The following DSG4 variants were observed in gnomAD, a reference collection of about 807,000 sequenced individuals.
DSG4 encodes the protein desmoglein 4.
In DSG4, 87 loss-of-function variants were observed where a neutral mutation model predicts 93.1. The ratio of observed to expected loss-of-function variants is 0.93; its 90% CI spans 0.79 to 1.12. DSG4 has a LOEUF of 1.12. DSG4 is among the 50% of genes most tolerant of loss of function. The pLI is 0.00. For synonymous variants in DSG4, 432 were observed against 452.9 expected (o/e 0.95, Z 0.59); for missense variants, 1,373 against 1,285.7 (o/e 1.07, Z -1.04).
intron 14 of DSG4, 47 bp from the exon 15 acceptor site, chr18:31,411,184 G>A (rs1412191171): frequency 4.3e-6 from 7 of 1,614,114 alleles, no homozygotes; most frequent in Non-Finnish European, 5.9e-6. Context: ...GCAGATGCGC[G>A]CTGCAGGCAA....
Position 31,388,913 on chromosome 18 carries a change from G to T in DSG4, c.412G>T (p.Glu138Ter). 6.2e-7 allele frequency: 1 copy of T among 1,613,618 alleles called. No individual in the cohort carries two copies. Among genetic ancestry groups the T allele is most frequent in the South Asian group, 1.1e-5 (1 of 91,058 alleles). The change falls in exon 5 of 16, where the codon GAA becomes TAA. Residue 138 changes from glutamate to a stop codon, truncating the protein, a stop_gained. Coordinates refer to ENST00000308128, the MANE Select transcript of DSG4 (RefSeq NM_177986.5). LOFTEE classifies it high-confidence loss of function. ...TCTGAATTCACGGGGTGAAGATTTAGAAAGGCCTCTTGAGCTTAGAGTCAA... is the reference window on the plus strand; with the variant it reads ...TCTGAATTCACGGGGTGAAGATTTATAAAGGCCTCTTGAGCTTAGAGTCAA... ...RALNSRGEDL[E>*]RPLELRVKVM...
intron 11 of DSG4, among the ~76,000 whole-genome samples, chr18:31,405,314 A>G (rs2072412439): frequency 6.6e-6 from 1 of 152,326 alleles, no homozygotes; most frequent in Non-Finnish European, 1.5e-5. Context: ...ATTTTAAATG[A>G]AAGGGCAACA....
At chr18:31,396,131 A>G (rs746353217) in intron 8 of DSG4, among the ~76,000 whole-genome samples, 6 of 151,904 alleles carry the variant, frequency 3.9e-5, no homozygotes, top group Non-Finnish European at 7.4e-5. Context: ...GTGTGTGTGT[A>G]TATATATATA....
chr18:31,404,435 A>G (rs892204593), intron 11 of DSG4, among the ~76,000 whole-genome samples: 1 of 152,222 alleles, frequency 6.6e-6, no homozygotes, highest in Non-Finnish European at 1.5e-5. Flanking sequence ...AGTGCATAAT[A>G]AAAAAGAAAA....
intron 13 of DSG4, 28 bp downstream of exon 13, chr18:31,409,619 G>C: frequency 6.2e-7 from 1 of 1,614,242 alleles, no homozygotes; most frequent in African/African-American, 1.3e-5. Flanking sequence ...CTCCAGAGAA[G>C]TGTGGAGTTT....
In DSG4 at chr18:31,414,582, T is replaced by C. The variant is rs1222964596; in HGVS notation, c.*987T>C. 1 of 152,244 alleles carries C rather than the reference T, an allele frequency of 6.6e-6. No individual in the cohort carries two copies. Among genetic ancestry groups the C allele is most frequent in the African/African-American group, 2.4e-5 (1 of 41,474 alleles). 9.4% of individuals were successfully genotyped at this position (152,244 alleles called of 1,614,324 possible). On this transcript the variant is annotated 3_prime_UTR_variant, in exon 16 of 16. Coordinates refer to ENST00000308128, the MANE Select transcript of DSG4 (RefSeq NM_177986.5). ...AGGTAAAGAAGACAGACATGGTTTC[T>C]GCCTTCATAGAGCTTCTATTCATTT...
chr18:31,406,801 G>T (rs769680525), intron 12 of DSG4, among the ~76,000 whole-genome samples: 1 of 150,804 alleles, frequency 6.6e-6, no homozygotes, highest in Admixed American at 6.6e-5. Flanking sequence ...TTTTTGAGAT[G>T]GAATCTTGCT....
intron 15 of DSG4, among the ~76,000 whole-genome samples, chr18:31,411,785 G>GA (rs138751152): frequency 0.025 from 3,817 of 152,040 alleles, 155 homozygotes; most frequent in African/African-American, 0.087. Flanking sequence ...TCATCAAGGG[G>GA]AAAAAAGGTG....
At chr18:31,405,510 A>C (rs2144207690) in intron 11 of DSG4, among the ~76,000 whole-genome samples, 1 of 152,274 alleles carries the variant, frequency 6.6e-6, no homozygotes, top group South Asian at 2.1e-4. Flanking sequence ...CCTTGCCTGC[A>C]TTATAGAAGT....
intron 6 of DSG4, 84 bp from the exon 7 acceptor site, chr18:31,390,992 AAG>A (rs2144178607): frequency 6.4e-7 from 1 of 1,563,924 alleles, no homozygotes. Flanking sequence ...ATGTAAATAA[AAG>A]AGTAGAGAAA....
intron 11 of DSG4, among the ~76,000 whole-genome samples, chr18:31,405,303 A>T (rs375980520): frequency 6.6e-6 from 1 of 152,304 alleles, no homozygotes; most frequent in African/African-American, 2.4e-5. Context: ...GAATGTGAAC[A>T]ATTTTAAATG....
chr18:31,394,118 T>C (rs2072278569), intron 8 of DSG4, among the ~76,000 whole-genome samples: 1 of 152,166 alleles, frequency 6.6e-6, no homozygotes. Context: ...ATTTACGTAT[T>C]TTCTGTGGCT....
chr18:31,402,426 G>A (rs948702208), intron 10 of DSG4, among the ~76,000 whole-genome samples: 1 of 152,250 alleles, frequency 6.6e-6, no homozygotes, highest in Non-Finnish European at 1.5e-5. Flanking sequence ...GATGCCTCTC[G>A]AATGAGAAGC....
Position 31,389,024 on chromosome 18 carries a change from T to C in DSG4, c.517+6T>C, listed in dbSNP as rs2072221073. ...TGAAGAAAATAGTGATGCCAGTAAG[T>C]AGAATGACATTCCTTCTCTACGTCA... On this transcript the variant is annotated splice_donor_region_variant and intron_variant, in intron 5 of 15. Transcript: ENST00000308128. The C allele has an allele frequency of 1.2e-6, 2 of 1,612,796 alleles. No individual in the cohort carries two copies. Among genetic ancestry groups the C allele is most frequent in the Non-Finnish European group, 1.7e-6 (2 of 1,179,024 alleles).
In DSG4 at chr18:31,403,635, G is replaced by T. The variant is rs1322119590; in HGVS notation, c.1636+1G>T. The T allele has an allele frequency of 6.2e-7, 1 of 1,613,880 alleles. No homozygotes were observed. The highest frequency in any genetic ancestry group is 2.2e-5 in the East Asian group (1 of 44,866). ...ATGTGGGATGTCAGATCAACAAATG[G>T]TAAGTGAAACGTAAGCTTGTTTTTT... is the stretch of plus-strand genomic sequence containing the variant. On this transcript the variant is annotated splice_donor_variant, in intron 11 of 15. Coordinates refer to ENST00000308128, the MANE Select transcript of DSG4 (RefSeq NM_177986.5). LOFTEE classifies it high-confidence loss of function.
intron 2 of DSG4, among the ~76,000 whole-genome samples, chr18:31,386,421 A>G (rs1317762139): frequency 3.3e-5 from 5 of 152,166 alleles, no homozygotes; most frequent in African/African-American, 1.2e-4. Flanking sequence ...CTTATACAGT[A>G]TGGCACATCA....
chr18:31,378,908 C>A (rs1022579638), intron 1 of DSG4, among the ~76,000 whole-genome samples: 5 of 152,164 alleles, frequency 3.3e-5, no homozygotes, highest in Admixed American at 6.5e-5. Flanking sequence ...TCTTCATTAA[C>A]TAAATCAAAG....
In DSG4 at chr18:31,403,602, T is replaced by G. The variant is rs7229252; in HGVS notation, c.1604T>G (p.Ile535Arg). The G allele has an allele frequency of 1.2e-6, 2 of 1,614,038 alleles. No homozygotes were observed. Among genetic ancestry groups the G allele is most frequent in the African/African-American group, 2.7e-5 (2 of 75,016 alleles). ...TFCVVDEPPG[I>R]ADMWDVRSTN... ...TGTGTTGTTGATGAGCCACCAGGAA[T>G]AGCTGACATGTGGGATGTCAGATCA... Residue 535 changes from isoleucine (I) to arginine (R), a missense_variant, in exon 11 of 16, where the codon ATA becomes AGA. Coordinates refer to ENST00000308128, the MANE Select transcript of DSG4 (RefSeq NM_177986.5).
chr18:31,399,504 C>A lies in DSG4; in HGVS notation c.1238C>A (p.Ala413Asp), dbSNP rs746270707. The change falls in exon 9 of 16, where the codon GCC becomes GAC. Residue 413 changes from alanine (A) to aspartate (D), a missense_variant. Physicochemically the swap from Ala to Asp is moderately radical, Grantham distance 126 (BLOSUM62 -2). Transcript: ENST00000308128. ...AATTATGTGCTTGGCACATATACAGCCATAGATTTGGACACAGGAAACCCT... is the reference window on the plus strand; with the variant it reads ...AATTATGTGCTTGGCACATATACAGACATAGATTTGGACACAGGAAACCCT... ...LLNYVLGTYT[A>D]IDLDTGNPAT... The A allele has an allele frequency of 1.2e-6, 2 of 1,613,878 alleles. No individual in the cohort carries two copies. The highest frequency in any genetic ancestry group is 4.5e-5 in the East Asian group (2 of 44,884).
Sources: allele counts gnomAD v4.1 joint callset (sites outside exome capture counted in the v4.1 genomes callset), GRCh38; gene constraint gnomAD v4.1.1; transcripts MANE v1.5; gene names NCBI Gene and HGNC (gene_info 2026-07-23, HGNC 2026-07-21).